Variants in SSX2IP observed in about 807,000 individuals in gnomAD.
SSX2IP encodes SSX family member 2 interacting protein, also known as afadin- and alpha-actinin-binding protein.
In SSX2IP, 55 loss-of-function variants were observed where a neutral mutation model predicts 84.9. That is an observed-to-expected ratio of 0.65 (90% confidence interval 0.52 to 0.81). SSX2IP has a LOEUF of 0.81. SSX2IP is among the 30% of genes least tolerant of loss of function. The probability of loss-of-function intolerance (pLI) is 0.00; values close to 1 mark genes in which losing one functional copy is unlikely to be tolerated. For missense variants in SSX2IP, 664 were observed against 705.2 expected, an observed-to-expected ratio of 0.94 and a Z score of 0.66; for synonymous variants, 239 against 234.7, an observed-to-expected ratio of 1.02 and a Z score of -0.17.
chr1:84,671,664 ACTT>A (rs577328194), intron 1 of SSX2IP, among the ~76,000 whole-genome samples: 30 of 152,210 alleles, frequency 2.0e-4, no homozygotes, highest in Admixed American at 1.4e-3. Context: ...ATGATGAAAA[ACTT>A]CTTCTTGGCC....
intron 9 of SSX2IP, 71 bp downstream of exon 9, chr1:84,658,243 GCTTT>G (rs1191675489): frequency 3.0e-5 from 47 of 1,563,870 alleles, no homozygotes; most frequent in Middle Eastern, 3.6e-4. Flanking sequence ...CTATAATGCG[GCTTT>G]CTAAGTGACT....
At chr1:84,675,137 T>C (rs2102485362) in intron 1 of SSX2IP, among the ~76,000 whole-genome samples, 1 of 152,306 alleles carries the variant, frequency 6.6e-6, no homozygotes, top group South Asian at 2.1e-4. Flanking sequence ...CCATTTCAAT[T>C]TGAAAGCATC....
intron 9 of SSX2IP, 62 bp downstream of exon 9, chr1:84,658,256 C>T: frequency 1.3e-6 from 2 of 1,592,144 alleles, no homozygotes; most frequent in Non-Finnish European, 1.7e-6. Context: ...TTCTAAGTGA[C>T]TAAAAATCAA....
At chr1:84,666,002 TG>T in intron 5 of SSX2IP, 119 bp downstream of exon 5, 1 of 731,468 alleles carries the variant, frequency 1.4e-6, no homozygotes, top group Non-Finnish European at 2.2e-6. Context: ...CATATCAATT[TG>T]GGGAAAGATG....
chr1:84,670,078 AATGAT>A (rs1653341757), intron 3 of SSX2IP, 185 bp from the exon 4 acceptor site: 2 of 525,084 alleles, frequency 3.8e-6, no homozygotes, highest in Non-Finnish European at 6.8e-6. Context: ...CACCACAAAA[AATGAT>A]ATAAGTATGG....
rs1418250284 is a variant in SSX2IP at position 84,666,135 on chromosome 1, T to C, written c.524A>G (p.Asn175Ser). The change falls in exon 5 of 14, where the codon AAT (asparagine) becomes AGT (serine). Residue 175 changes from asparagine to serine, a missense_variant. Physicochemically the swap from Asn to Ser is conservative, Grantham distance 46. Coordinates refer to ENST00000342203, the MANE Select transcript of SSX2IP (RefSeq NM_001166293.2). ...KNRNLHQLLK[N>S]EKDEVQKLQN... Reference sequence around the variant, plus strand: ...CTGACAACTCACCTCATCTTTCTCATTCTTTAGTAGCTGATGCAAATTCCT... The same window carrying C: ...CTGACAACTCACCTCATCTTTCTCACTCTTTAGTAGCTGATGCAAATTCCT... The C allele has an allele frequency of 6.2e-7, 1 of 1,610,550 alleles. No homozygotes were observed. The highest frequency in any genetic ancestry group is 8.5e-7 in the Non-Finnish European group (1 of 1,178,550).
intron 13 of SSX2IP, among the ~76,000 whole-genome samples, chr1:84,648,291 T>C (rs1649735905): frequency 6.6e-6 from 1 of 152,212 alleles, no homozygotes; most frequent in Non-Finnish European, 1.5e-5. Context: ...TTTTTCTGTT[T>C]GTTTTATTCT....
chr1:84,655,467 T>C, intron 11 of SSX2IP: 2 of 1,299,020 alleles, frequency 1.5e-6, no homozygotes, highest in Non-Finnish European at 2.0e-6. Flanking sequence ...ATACTTCCTT[T>C]TTAAACAGCA....
rs1364677037 is a variant in SSX2IP at position 84,669,762 on chromosome 1, T to C, written c.345A>G (p.Leu115=). ...TCTGTGTCTCCACATTTTCCTGAGC[T>C]AGAAGGTTCTTCCGCTGAAGCACAA... ...ELLVLQRKNL[L]AQENVETQNL... The change falls in exon 4 of 14, where the codon CTA becomes CTG. Residue 115 remains leucine (L), a synonymous_variant. Coordinates refer to ENST00000342203, the MANE Select transcript of SSX2IP (RefSeq NM_001166293.2). The C allele has an allele frequency of 1.1e-5, 18 of 1,613,898 alleles. No individual in the cohort carries two copies. The highest frequency in any genetic ancestry group is 1.5e-5 in the Non-Finnish European group (18 of 1,179,814).
chr1:84,662,365 C>A lies in SSX2IP; in HGVS notation c.760G>T (p.Glu254Ter). ...TGKTEARNED[E>*]MYKILLNDYE... is the part of the protein sequence containing the mutation. The stretch of plus-strand genomic sequence containing the variant: ...TCATTCAAGAGAATTTTATACATTT[C>A]ATCTTCATTCCTGAGAAAGAAACTG... Residue 254 changes from glutamate to a stop codon, truncating the protein, a stop_gained, in exon 8 of 14, where the codon GAA (glutamate) becomes TAA (stop). Coordinates refer to ENST00000342203, the MANE Select transcript of SSX2IP (RefSeq NM_001166293.2). LOFTEE classifies it high-confidence loss of function. 2 of 1,606,536 alleles carry A rather than the reference C, an allele frequency of 1.2e-6. No individual in the cohort carries two copies. The highest frequency in any genetic ancestry group is 1.7e-6 in the Non-Finnish European group (2 of 1,177,326).
At chr1:84,686,523 G>A (rs540087813) in intron 1 of SSX2IP, among the ~76,000 whole-genome samples, 13 of 152,308 alleles carry the variant, frequency 8.5e-5, no homozygotes, top group African/African-American at 2.9e-4. Context: ...TGGGTTTGGA[G>A]ATGCCCTTAT....
intron 1 of SSX2IP, among the ~76,000 whole-genome samples, chr1:84,678,520 G>A (rs1654673439): frequency 6.6e-6 from 1 of 152,050 alleles, no homozygotes; most frequent in Non-Finnish European, 1.5e-5. Context: ...ACACTCTCAA[G>A]TACCACACAT....
chr1:84,670,887 TAA>T lies in SSX2IP; in HGVS notation c.44-74_44-73del. Reference sequence around the variant, plus strand: ...GTAAAGCTAACATAATCGCCATTACTAAAGACTTTGAATTACATATATACATA... The same window carrying T: ...GTAAAGCTAACATAATCGCCATTACTAGACTTTGAATTACATATATACATA... On this transcript the variant is annotated intron_variant, in intron 2 of 13. Coordinates refer to ENST00000342203, the MANE Select transcript of SSX2IP (RefSeq NM_001166293.2). 3.2e-6 allele frequency: 4 copies of T among 1,234,070 alleles called. No homozygotes were observed. In the Admixed American group the frequency reaches 8.9e-5, roughly 27 times the overall value. The allele number at this position is 1,234,070 out of a possible 1,614,324, so 76.4% of individuals were successfully genotyped here. A position where few individuals can be genotyped will look rare whatever the true frequency, so the allele number is the denominator to read the frequency against.
At chr1:84,669,574 A>G in intron 4 of SSX2IP, 107 bp downstream of exon 4, 2 of 923,964 alleles carry the variant, frequency 2.2e-6, no homozygotes, top group Non-Finnish European at 3.3e-6. Flanking sequence ...TTTAAAAAGA[A>G]AACCCTAAAG....
rs1364433992 is a variant in SSX2IP at position 84,645,252 on chromosome 1, G to GT, written c.*2180dup. 1 of 152,144 alleles carries GT rather than the reference G, an allele frequency of 6.6e-6. No individual in the cohort carries two copies. Among genetic ancestry groups the GT allele is most frequent in the East Asian group, 1.9e-4 (1 of 5,198 alleles). 9.4% of individuals were successfully genotyped at this position (152,144 alleles called of 1,614,324 possible). On this transcript the variant is annotated 3_prime_UTR_variant, in exon 14 of 14. Coordinates refer to ENST00000342203, the MANE Select transcript of SSX2IP (RefSeq NM_001166293.2). Reference sequence around the variant, plus strand: ...AGGAGTTTTGTGTGTGGAGTCCTGGGTTTTCCAACAGACATCATTCCAGCA... The same window carrying GT: ...AGGAGTTTTGTGTGTGGAGTCCTGGGTTTTTCCAACAGACATCATTCCAGCA...
chr1:84,655,692 A>C, intron 11 of SSX2IP, 140 bp downstream of exon 11: 2 of 1,423,420 alleles, frequency 1.4e-6, no homozygotes, highest in East Asian at 2.5e-5. Context: ...CCTCCCTCTC[A>C]TTTCAAATTA....
chr1:84,668,090 G>A (rs1653014195), intron 4 of SSX2IP, among the ~76,000 whole-genome samples: 1 of 152,054 alleles, frequency 6.6e-6, no homozygotes, highest in African/African-American at 2.4e-5. Context: ...GTCCATAGTT[G>A]ACCCAAAATA....
chr1:84,674,810 T>G (rs905252592), intron 1 of SSX2IP, among the ~76,000 whole-genome samples: 1 of 152,186 alleles, frequency 6.6e-6, no homozygotes, highest in African/African-American at 2.4e-5. Flanking sequence ...TCACACAATC[T>G]AAAAGCTTCC....
intron 11 of SSX2IP, chr1:84,655,250 G>C: frequency 1.2e-6 from 1 of 856,884 alleles, no homozygotes; most frequent in Non-Finnish European, 1.4e-6. Flanking sequence ...GAATGAAACT[G>C]AGGATGAGAA....
Sources: allele counts gnomAD v4.1 joint callset (sites outside exome capture counted in the v4.1 genomes callset), GRCh38; gene constraint gnomAD v4.1.1; transcripts MANE v1.5; gene names NCBI Gene and HGNC (gene_info 2026-07-23, HGNC 2026-07-21).